ZNF536: variants seen among roughly 807,000 people sequenced by gnomAD.
ZNF536 encodes the protein zinc finger protein 536.
In ZNF536, 13 loss-of-function variants were observed where a neutral mutation model predicts 84.5. That is an observed-to-expected ratio of 0.15 (90% confidence interval 0.10 to 0.24). ZNF536 has a LOEUF of 0.24. Among genes scored for constraint, ZNF536 ranks in the 10% least tolerant of loss-of-function variants. The pLI, the probability that ZNF536 is intolerant of heterozygous loss-of-function variation, is 1.00. For missense variants in ZNF536, 1,536 were observed against 1,747.5 expected (o/e 0.88, Z 2.16); for synonymous variants, 811 against 742.5 (o/e 1.09, Z -1.50).
intron 1 of ZNF536, among the ~76,000 whole-genome samples, chr19:30,233,896 A>G (rs2023271512): frequency 6.6e-6 from 1 of 152,198 alleles, no homozygotes; most frequent in Non-Finnish European, 1.5e-5. Flanking sequence ...GATTTACAGC[A>G]GGACCTCTGT....
chr19:30,362,164 T>C (rs1365727835), intron 3 of ZNF536, among the ~76,000 whole-genome samples: 2 of 152,184 alleles, frequency 1.3e-5, no homozygotes, highest in African/African-American at 4.8e-5. Context: ...CCAGCCTCCC[T>C]GGAACCAAAG....
At chr19:30,483,504 A>G (rs1267572649) in intron 2 of ZNF536, among the ~76,000 whole-genome samples, 1 of 22,450 alleles carries the variant, frequency 4.5e-5, no homozygotes, top group Non-Finnish European at 9.1e-5. Flanking sequence ...CCACCCATCC[A>G]ACAACCAGAA....
chr19:30,559,625 C>T (rs1029800009), downstream of ZNF536, among the ~76,000 whole-genome samples: 1 of 152,308 alleles, frequency 6.6e-6, no homozygotes, highest in African/African-American at 2.4e-5. Context: ...TGGGTTTTGC[C>T]AGTCCTCCTG....
At chr19:30,430,848 G>A (rs533543770) in intron 1 of ZNF536, among the ~76,000 whole-genome samples, 31 of 152,266 alleles carry the variant, frequency 2.0e-4, no homozygotes, top group African/African-American at 7.0e-4. Flanking sequence ...ATAATTTTTT[G>A]TATTTTCAGT....
intron 1 of ZNF536, among the ~76,000 whole-genome samples, chr19:30,668,376 A>T (rs538915149): frequency 3.2e-4 from 49 of 152,094 alleles, no homozygotes; most frequent in Non-Finnish European, 6.6e-4. Flanking sequence ...TCTGCCTAAT[A>T]CACTGCTAAC....
intron 1 of ZNF536, among the ~76,000 whole-genome samples, chr19:30,682,415 A>T (rs115012578): frequency 6.6e-6 from 1 of 152,306 alleles, no homozygotes; most frequent in African/African-American, 2.4e-5. Context: ...CACAGCATAC[A>T]GTGTAATTCA....
chr19:30,360,659 A>G (rs1346994065), intron 3 of ZNF536, among the ~76,000 whole-genome samples: 2 of 152,178 alleles, frequency 1.3e-5, no homozygotes, highest in African/African-American at 4.8e-5. Context: ...CCTTGGAAGG[A>G]GGGAAGGCGT....
intron 2 of ZNF536, among the ~76,000 whole-genome samples, chr19:30,477,838 A>G (rs1005973729): frequency 1.3e-5 from 2 of 152,200 alleles, no homozygotes; most frequent in Admixed American, 6.5e-5. Flanking sequence ...TCTTTCCTTC[A>G]TCTCAGGGGA....
intron 1 of ZNF536, among the ~76,000 whole-genome samples, chr19:30,566,277 A>G (rs1035799416): frequency 6.6e-6 from 1 of 152,130 alleles, no homozygotes; most frequent in African/African-American, 2.4e-5. Context: ...TCTGGGGCAG[A>G]TGACTGTTTC....
chr19:30,706,425 T>A (rs2052230562), intron 1 of ZNF536, among the ~76,000 whole-genome samples: 1 of 148,326 alleles, frequency 6.7e-6, no homozygotes, highest in African/African-American at 2.5e-5. Context: ...AGGCAGAGCT[T>A]GTAGTGAGCC....
Position 30,443,843 on chromosome 19 carries a change from C to T in ZNF536, c.281C>T (p.Thr94Ile), listed in dbSNP as rs758652992. The change falls in exon 2 of 5, where the codon ACC (threonine) becomes ATC (isoleucine). Residue 94 changes from threonine to isoleucine, a missense_variant. Transcript: ENST00000355537. ...AACCAGCTGGGCCGGGAGGTGGACA[C>T]CAGCCTCAACGGGAGGGTGGACTTG... is the stretch of plus-strand genomic sequence containing the variant. ...LANQLGREVD[T>I]SLNGRVDLQQ... 1 of 1,613,390 alleles carries T rather than the reference C, an allele frequency of 6.2e-7. No individual in the cohort carries two copies. Among genetic ancestry groups the T allele is most frequent in the South Asian group, 1.1e-5 (1 of 91,054 alleles).
intron 2 of ZNF536, among the ~76,000 whole-genome samples, chr19:30,456,318 T>C (rs1207998815): frequency 4.7e-5 from 7 of 150,194 alleles, no homozygotes; most frequent in African/African-American, 7.3e-5. Context: ...CTTTTTTTTT[T>C]TTTTTTTTTT....
intron 2 of ZNF536, among the ~76,000 whole-genome samples, chr19:30,525,862 G>T (rs954199949): frequency 6.6e-5 from 10 of 152,148 alleles, no homozygotes; most frequent in African/African-American, 2.4e-4. Context: ...CAGGTGGGGA[G>T]TTGGGATGAA....
At position 30,344,304 on chromosome 19, in the gene ZNF536, T is replaced by TATATATATATATATATATATATATA. The variant is rs1460061348; in HGVS notation, c.-119-8064_-119-8063insATATATATATATATATATATATATA. Reference sequence around the variant, plus strand: ...AAATACACACACACACACAAATATATTGGCGGCCTCCTATAATCCCAGCTA... The same window carrying TATATATATATATATATATATATATA: ...AAATACACACACACACACAAATATATATATATATATATATATATATATATATGGCGGCCTCCTATAATCCCAGCTA... On this transcript the variant is annotated intron_variant, in intron 2 of 5. Transcript: ENST00000585628. Among the ~76,000 whole-genome samples, 8 of 66,270 alleles carry TATATATATATATATATATATATATA rather than the reference T, an allele frequency of 1.2e-4. 1 individual carries two copies. Among genetic ancestry groups the TATATATATATATATATATATATATA allele is most frequent in the Non-Finnish European group, 1.9e-4 (7 of 36,060 alleles). The allele number at this position is 66,270 out of a possible 152,430, so 43.5% of individuals were successfully genotyped here.
chr19:30,379,921 G>T (rs1285178238), intron 1 of ZNF536, among the ~76,000 whole-genome samples: 4 of 152,156 alleles, frequency 2.6e-5, no homozygotes, highest in Non-Finnish European at 4.4e-5. Context: ...GGAAGTCCTG[G>T]CGAAGGAGCT....
intron 1 of ZNF536, among the ~76,000 whole-genome samples, chr19:30,422,934 C>T (rs1186084893): frequency 8.0e-6 from 1 of 125,156 alleles, no homozygotes; most frequent in Non-Finnish European, 1.6e-5. Flanking sequence ...CCTATCTACA[C>T]ATCCATCCAT....
intron 1 of ZNF536, among the ~76,000 whole-genome samples, chr19:30,623,447 G>C (rs2048563466): frequency 6.6e-6 from 1 of 152,200 alleles, no homozygotes; most frequent in African/African-American, 2.4e-5. Context: ...ATGCAATCTG[G>C]CTTGCCACTA....
chr19:30,397,468 T>G (rs1413818243), intron 1 of ZNF536, among the ~76,000 whole-genome samples: 1 of 152,248 alleles, frequency 6.6e-6, no homozygotes, highest in Non-Finnish European at 1.5e-5. Context: ...TCTATCATTA[T>G]TCAGGATATT....
At chr19:30,439,609 T>G (rs2051920034) in intron 1 of ZNF536, among the ~76,000 whole-genome samples, 1 of 152,212 alleles carries the variant, frequency 6.6e-6, no homozygotes, top group African/African-American at 2.4e-5. Flanking sequence ...CGGCTGCACC[T>G]GCTCGAGGAA....
Sources: allele counts gnomAD v4.1 joint callset (sites outside exome capture counted in the v4.1 genomes callset), GRCh38; gene constraint gnomAD v4.1.1; transcripts MANE v1.5; gene names NCBI Gene and HGNC (gene_info 2026-07-23, HGNC 2026-07-21).